MYO15A: variants seen among roughly 807,000 people sequenced by gnomAD.
The protein encoded by MYO15A is unconventional myosin-XV.
In MYO15A, 308 loss-of-function variants were observed where a neutral mutation model predicts 394.6. That is an observed-to-expected ratio of 0.78 (90% CI 0.71 to 0.86). The LOEUF is 0.86. MYO15A is among the 40% of genes least tolerant of loss of function. MYO15A has a pLI of 0.00. For missense variants in MYO15A, 4,606 were observed against 4,799.1 expected, an observed-to-expected ratio of 0.96 and a Z score of 1.19; for synonymous variants, 1,957 against 2,003.8, an observed-to-expected ratio of 0.98 and a Z score of 0.62.
In MYO15A at chr17:18,119,955, T is replaced by C. The variant is rs1459273932; in HGVS notation, c.1155T>C (p.Tyr385=). 3 of 1,613,680 alleles carry C rather than the reference T, an allele frequency of 1.9e-6. No individual in the cohort carries two copies. The South Asian group carries it at 3.3e-5, about 18-fold the overall frequency. Residue 385 remains tyrosine (Y), a synonymous_variant, in exon 2 of 66, where the codon TAT becomes TAC. Coordinates refer to ENST00000647165, the MANE Select transcript of MYO15A (RefSeq NM_016239.4). ...HYTVPYAEGV[Y]GGGDEAIYPP... ...CCGTCCCCTATGCCGAAGGCGTCTA[T>C]GGCGGTGGGGACGAGGCCATCTACC...
In MYO15A at chr17:18,121,477, C is replaced by G. The variant is rs763075073; in HGVS notation, c.2677C>G (p.Arg893Gly). Reference protein sequence around the residue: ...VKPQVRLPFHRPPRAGAWRAP... With the variant: ...VKPQVRLPFHGPPRAGAWRAP... The stretch of plus-strand genomic sequence containing the variant: ...GCCGCAAGTGCGCCTGCCCTTCCAC[C>G]GACCGCCCAGGGCCGGGGCCTGGCG... The change falls in exon 2 of 66, where the codon CGA becomes GGA. Residue 893 changes from arginine (R) to glycine (G), a missense_variant. By Grantham distance (125) the Arg-to-Gly change is moderately radical (BLOSUM62 -2). Around this residue, in one of 2 missense-constraint regions of MYO15A, gnomAD observed 1,830 missense variants for 1,689.7 expected, o/e 1.08. Coordinates refer to ENST00000647165, the MANE Select transcript of MYO15A (RefSeq NM_016239.4). The surrounding 1 kb of genome is among the most constrained non-coding windows in gnomAD (Gnocchi z 5.3). 6.4e-7 allele frequency: 1 copy of G among 1,550,466 alleles called. No individual in the cohort carries two copies.
At chr17:18,124,635 C>T in intron 3 of MYO15A, 70 bp downstream of exon 3, 1 of 1,478,524 alleles carries the variant, frequency 6.8e-7, no homozygotes, top group Non-Finnish European at 9.3e-7. Flanking sequence ...GCCAGAGCAG[C>T]TCCTCCTGCA....
Position 18,154,695 on chromosome 17 carries a change from C to G in MYO15A, c.8164C>G (p.Leu2722Val). The G allele has an allele frequency of 1.9e-6, 3 of 1,613,694 alleles. No individual in the cohort carries two copies. The highest frequency in any genetic ancestry group is 2.5e-6 in the Non-Finnish European group (3 of 1,180,036). The change falls in exon 45 of 66, where the codon CTC becomes GTC. Residue 2722 changes from leucine to valine, a missense_variant. Leu to Val is a conservative substitution (Grantham distance 32). Transcript: ENST00000647165. ...GTTCCCACAGATCCTGCACGACACG[C>G]TCTCCGAGGCCTGCCTTCGCATCTC... Reference protein sequence around the residue: ...LLFRQILHDTLSEACLRISED... With the variant: ...LLFRQILHDTVSEACLRISED...
At position 18,148,621 on chromosome 17, in the gene MYO15A, G is replaced by T. The variant is rs954239861; in HGVS notation, c.6764+53G>T. 8 of 1,548,240 alleles carry T rather than the reference G, an allele frequency of 5.2e-6. No individual in the cohort carries two copies. The East Asian group carries it at 1.2e-4, about 24-fold the overall frequency. On this transcript the variant is annotated intron_variant, in intron 32 of 65. Coordinates refer to ENST00000647165, the MANE Select transcript of MYO15A (RefSeq NM_016239.4). This position sits in a 1 kb window ranked among gnomAD's most constrained non-coding sequence, Gnocchi z 4.8. ...CACTCTTATGTACCTGGAATGTTGT[G>T]GGGGGAGGTCAGATCCCCCAGAGGG...
rs1316318677 is a variant in MYO15A at position 18,120,924 on chromosome 17, G to T, written c.2124G>T (p.Ala708=). 3 of 1,463,176 alleles carry T rather than the reference G, an allele frequency of 2.1e-6. No homozygotes were observed. Among genetic ancestry groups the T allele is most frequent in the South Asian group, 1.3e-5 (1 of 77,740 alleles). The allele number at this position is 1,463,176 out of a possible 1,614,324, so 90.6% of individuals were successfully genotyped here. ...RRHPPPWAAP[A]HVPPAPQASW... is the part of the protein sequence containing the mutation. ...ACCCGCCGCCCTGGGCCGCCCCAGC[G>T]CACGTGCCACCGGCGCCGCAGGCCA... The change falls in exon 2 of 66, where the codon GCG becomes GCT. Residue 708 remains alanine (A), a synonymous_variant. Coordinates refer to ENST00000647165, the MANE Select transcript of MYO15A (RefSeq NM_016239.4).
At chr17:18,146,531 C>T (rs558017930) in intron 30 of MYO15A, among the ~76,000 whole-genome samples, 50 of 152,278 alleles carry the variant, frequency 3.3e-4, no homozygotes, top group African/African-American at 1.2e-3. Context: ...CTTTAGTTTC[C>T]TTACATATCA....
In MYO15A at chr17:18,138,151, A is replaced by G. The variant is rs961639637; in HGVS notation, c.4912A>G (p.Ile1638Val). 1 of 1,613,142 alleles carries G rather than the reference A, an allele frequency of 6.2e-7. No individual in the cohort carries two copies. Among genetic ancestry groups the G allele is most frequent in the African/African-American group, 1.3e-5 (1 of 74,856 alleles). ...YIREQIDWQE[I>V]TFADNQPCIN... ...CCGTGAGCAGATAGACTGGCAGGAG[A>G]TCACCTTTGCTGACAACCAGCCCTG... Residue 1638 changes from isoleucine to valine, a missense_variant, in exon 17 of 66, where the codon ATC becomes GTC. Physicochemically the swap from Ile to Val is conservative, Grantham distance 29. Coordinates refer to ENST00000647165, the MANE Select transcript of MYO15A (RefSeq NM_016239.4).
At position 18,153,878 on chromosome 17, in the gene MYO15A, G is replaced by C. The variant is rs781402788; in HGVS notation, c.8070G>C (p.Lys2690Asn). 28 of 1,613,542 alleles carry C rather than the reference G, an allele frequency of 1.7e-5. No individual in the cohort carries two copies. The highest frequency in any genetic ancestry group is 2.2e-5 in the East Asian group (1 of 44,894). Reference sequence around the variant, plus strand: ...ACGGCTATCAGGACGCCCCCTGGAAGATCTTCCTGCGCAAAGAGGTGCCGA... The same window carrying C: ...ACGGCTATCAGGACGCCCCCTGGAACATCTTCCTGCGCAAAGAGGTGCCGA... ...NFYGYQDAPW[K>N]IFLRKEVFYP... Residue 2690 changes from lysine (K) to asparagine (N), a missense_variant, in exon 43 of 66, where the codon AAG becomes AAC. Transcript: ENST00000647165. The surrounding 1 kb of genome is among the most constrained non-coding windows in gnomAD (Gnocchi z 4.1).
chr17:18,154,589 T>G lies in MYO15A; in HGVS notation c.8149-91T>G, dbSNP rs1356489833. 9.6e-6 allele frequency: 13 copies of G among 1,357,528 alleles called. No homozygotes were observed. In the South Asian group the frequency reaches 1.5e-4, roughly 16 times the overall value. The allele number at this position is 1,357,528 out of a possible 1,614,324, so 84.1% of individuals were successfully genotyped here. On this transcript the variant is annotated intron_variant, in intron 44 of 65. Transcript: ENST00000647165. ...CCCCACTGCTGCAAAATGGGACCCC[T>G]CCCACATTGCCACTCACCCTAGTAT... is the stretch of plus-strand genomic sequence containing the variant.
At chr17:18,140,687 C>T (rs755035099) in intron 20 of MYO15A, 22 bp downstream of exon 20, 9 of 1,613,814 alleles carry the variant, frequency 5.6e-6, no homozygotes, top group African/African-American at 1.3e-5. Context: ...GGCAGGTGGG[C>T]GGAGCACCCA....
chr17:18,154,871 GCCT>G, intron 45 of MYO15A, 116 bp downstream of exon 45: 10 of 1,229,164 alleles, frequency 8.1e-6, no homozygotes. Flanking sequence ...CCAGACATGT[GCCT>G]CCTTGCTCTG....
intron 56 of MYO15A, chr17:18,161,066 G>A (rs1005716059): frequency 3.1e-5 from 20 of 651,432 alleles, no homozygotes; most frequent in Non-Finnish European, 4.8e-5. Context: ...GAGAAGAATA[G>A]GAGAGGAAAG....
At chr17:18,157,976 G>A in intron 51 of MYO15A, 76 bp downstream of exon 51, 4 of 1,435,126 alleles carry the variant, frequency 2.8e-6, no homozygotes, top group East Asian at 2.5e-5. Flanking sequence ...GAGGCGAGTG[G>A]GGATAAGGTG....
In MYO15A at chr17:18,121,773, C is replaced by CAG; in HGVS notation, c.2975_2976dup (p.His993AspfsTer66). 1 of 1,610,010 alleles carries CAG rather than the reference C, an allele frequency of 6.2e-7. No homozygotes were observed. Among genetic ancestry groups the CAG allele is most frequent in the Non-Finnish European group, 8.5e-7 (1 of 1,178,220 alleles). On this transcript the variant is annotated frameshift_variant, in exon 2 of 66. Transcript: ENST00000647165. LOFTEE classifies it high-confidence loss of function. This position sits in a 1 kb window ranked among gnomAD's most constrained non-coding sequence, Gnocchi z 5.3. ...CTGATATGACCAGGGTCTTCCTGGG[C>CAG]AGACACCATGAGCCGGGGCCTGGAC...
At chr17:18,163,655 A>C (rs2046807451) in intron 59 of MYO15A, 87 bp from the exon 60 acceptor site, 1 of 1,230,158 alleles carries the variant, frequency 8.1e-7, no homozygotes, top group Non-Finnish European at 1.2e-6. Context: ...GGAACTCCAC[A>C]CATGGCCTCT....
In MYO15A at chr17:18,150,543, A is replaced by C. The variant is rs942491042; in HGVS notation, c.7327A>C (p.Ile2443Leu). ...TPRRPPEPKPIPGLDASTLAL... is the reference protein window; with the variant it reads ...TPRRPPEPKPLPGLDASTLAL... Reference sequence around the variant, plus strand: ...CAGGAGACCCCCAGAGCCAAAGCCAAGTCAGTGCCTCCCCAGGGTGGTTCC... The same window carrying C: ...CAGGAGACCCCCAGAGCCAAAGCCACGTCAGTGCCTCCCCAGGGTGGTTCC... Residue 2443 changes from isoleucine (I) to leucine (L), a missense_variant and splice_region_variant, in exon 36 of 66, where the codon ATC becomes CTC. By Grantham distance (5) the Ile-to-Leu change is conservative. Coordinates refer to ENST00000647165, the MANE Select transcript of MYO15A (RefSeq NM_016239.4). This position sits in a 1 kb window ranked among gnomAD's most constrained non-coding sequence, Gnocchi z 4.4. 2.5e-6 allele frequency: 4 copies of C among 1,614,014 alleles called. No homozygotes were observed. The highest frequency in any genetic ancestry group is 3.4e-6 in the Non-Finnish European group (4 of 1,179,986).
chr17:18,172,271 T>C lies in MYO15A; in HGVS notation c.10331T>C (p.Phe3444Ser). 1 of 1,614,210 alleles carries C rather than the reference T, an allele frequency of 6.2e-7. No individual in the cohort carries two copies. Residue 3444 changes from phenylalanine to serine, a missense_variant, in exon 64 of 66, where the codon TTT becomes TCT. Phe to Ser is a radical substitution (Grantham distance 155). Coordinates refer to ENST00000647165, the MANE Select transcript of MYO15A (RefSeq NM_016239.4). ...GCCATCAACCACAATGGCCTCAACT[T>C]TCTCAGCACAGAGACTCATGTGAGT... is the stretch of plus-strand genomic sequence containing the variant. ...ILAINHNGLN[F>S]LSTETHELMV...
chr17:18,125,390 A>T, intron 4 of MYO15A, 159 bp downstream of exon 4: 1 of 750,794 alleles, frequency 1.3e-6, no homozygotes, highest in Non-Finnish European at 2.3e-6. Flanking sequence ...CTTAAAACAC[A>T]GTCTTAGAAT....
chr17:18,135,561 G>C, intron 12 of MYO15A, 150 bp from the exon 13 acceptor site: 2 of 674,854 alleles, frequency 3.0e-6, no homozygotes, highest in African/African-American at 1.8e-5. Context: ...GGTTGGTCTC[G>C]AACTCCTGGC....
Sources: allele counts gnomAD v4.1 joint callset (sites outside exome capture counted in the v4.1 genomes callset), GRCh38; gene constraint gnomAD v4.1.1; regional missense constraint gnomAD v4.1.1; non-coding constraint Gnocchi (gnomAD v3.1); transcripts MANE v1.5; gene names NCBI Gene and HGNC (gene_info 2026-07-23, HGNC 2026-07-21).